PRPSAP1: variants seen among roughly 807,000 people sequenced by gnomAD.
The protein encoded by PRPSAP1 is phosphoribosyl pyrophosphate synthetase associated protein 1.
A neutral mutation model predicts 39.4 loss-of-function variants in PRPSAP1; 31 were observed. The ratio of observed to expected loss-of-function variants is 0.79; its 90% CI spans 0.59 to 1.06. The LOEUF is 1.06. Ranked by LOEUF, PRPSAP1 falls within the 50% of genes least tolerant of loss-of-function variation. The pLI, the probability that PRPSAP1 is intolerant of heterozygous loss-of-function variation, is 0.00. For missense variants in PRPSAP1, 430 were observed against 511.6 expected, an observed-to-expected ratio of 0.84 and a Z score of 1.54; for synonymous variants, 212 against 192.6, an observed-to-expected ratio of 1.10 and a Z score of -0.83.
chr17:76,349,029 G>A (rs1216600803), intron 1 of PRPSAP1, among the ~76,000 whole-genome samples: 1 of 152,072 alleles, frequency 6.6e-6, no homozygotes, highest in African/African-American at 2.4e-5. Flanking sequence ...AGCCATTTTT[G>A]GCCAGGCGTG....
At chr17:76,313,689 G>T in intron 8 of PRPSAP1, 132 bp downstream of exon 8, 1 of 963,404 alleles carries the variant, frequency 1.0e-6, no homozygotes, top group Non-Finnish European at 1.6e-6. Flanking sequence ...CTTGGCACAA[G>T]GGAGTTTGGG....
intron 3 of PRPSAP1, among the ~76,000 whole-genome samples, chr17:76,339,044 T>C (rs1033950745): frequency 4.8e-5 from 7 of 146,200 alleles, no homozygotes; most frequent in Non-Finnish European, 1.5e-5. Context: ...AAAAAAAAAT[T>C]AAATTAAATT....
chr17:76,344,610 G>T (rs781255679), intron 3 of PRPSAP1, 61 bp downstream of exon 3: 16 of 1,304,012 alleles, frequency 1.2e-5, no homozygotes, highest in African/African-American at 3.0e-5. Flanking sequence ...CATATGAAAA[G>T]ATAATCAATT....
rs374946298 is a variant in PRPSAP1 at position 76,348,160 on chromosome 17, A to AAAATAAATAAATAAATAAAT, written c.223+349_223+368dup. Among the ~76,000 whole-genome samples, 1,093 of 149,230 alleles carry AAAATAAATAAATAAATAAAT rather than the reference A, an allele frequency of 7.3e-3. 14 individuals carry two copies. The highest frequency in any genetic ancestry group is 0.026 in the African/African-American group (1,045 of 39,622). ...AACATAGTGAGACCCCATCTTAATA[A>AAAATAAATAAATAAATAAAT]AAATAAATAAATAAATAAATAAATA... On this transcript the variant is annotated intron_variant, in intron 2 of 9. Coordinates refer to ENST00000446526, the MANE Select transcript of PRPSAP1 (RefSeq NM_002766.3).
At chr17:76,323,647 G>A (rs1012818519) in intron 7 of PRPSAP1, among the ~76,000 whole-genome samples, 1 of 151,928 alleles carries the variant, frequency 6.6e-6, no homozygotes, top group African/African-American at 2.4e-5. Context: ...TGACTGGGCT[G>A]CTTCAATCTT....
intron 6 of PRPSAP1, among the ~76,000 whole-genome samples, chr17:76,329,783 C>T (rs1016666329): frequency 1.1e-4 from 17 of 152,138 alleles, no homozygotes; most frequent in Admixed American, 9.8e-4. Flanking sequence ...TGCTCATAGC[C>T]TCATTGCTTT....
chr17:76,345,765 G>A (rs2071493639), intron 2 of PRPSAP1: 2 of 261,664 alleles, frequency 7.6e-6, no homozygotes, highest in South Asian at 3.8e-5. Flanking sequence ...AATGACCCCC[G>A]ACTGAGCGCA....
intron 3 of PRPSAP1, among the ~76,000 whole-genome samples, chr17:76,332,992 C>T (rs1256540679): frequency 1.3e-5 from 2 of 151,416 alleles, no homozygotes; most frequent in African/African-American, 4.9e-5. Flanking sequence ...CCGAGGTTCA[C>T]GCCATTCTCC....
intron 3 of PRPSAP1, among the ~76,000 whole-genome samples, chr17:76,339,890 G>A (rs999614191): frequency 5.3e-5 from 8 of 151,620 alleles, no homozygotes; most frequent in East Asian, 1.9e-4. Flanking sequence ...CAAGCACCTC[G>A]GGAGGCCGGG....
intron 7 of PRPSAP1, among the ~76,000 whole-genome samples, chr17:76,324,970 C>T (rs1366165537): frequency 7.4e-5 from 11 of 148,886 alleles, no homozygotes; most frequent in South Asian, 6.4e-4. Context: ...TGGGAGGCTG[C>T]GGCAGGAGAA....
At chr17:76,352,311 T>C (rs182633104) in intron 1 of PRPSAP1, among the ~76,000 whole-genome samples, 68 of 152,290 alleles carry the variant, frequency 4.5e-4, no homozygotes, top group Admixed American at 4.0e-3. Context: ...GCTCCTCCTT[T>C]ATATCAGAGC....
At chr17:76,345,894 C>A in intron 2 of PRPSAP1, 1 of 416,578 alleles carries the variant, frequency 2.4e-6, no homozygotes. Flanking sequence ...AGGTGAAAGA[C>A]GAACCACAGA....
intron 9 of PRPSAP1, among the ~76,000 whole-genome samples, chr17:76,312,123 A>ATAAGTTGAAAATATTT: frequency 6.6e-6 from 1 of 152,166 alleles, no homozygotes; most frequent in Non-Finnish European, 1.5e-5. Context: ...ACGCATCATT[A>ATAAGTTGAAAATATTT]TAAGTTGAAA....
At chr17:76,322,191 G>C (rs1357325789) in intron 7 of PRPSAP1, among the ~76,000 whole-genome samples, 1 of 152,188 alleles carries the variant, frequency 6.6e-6, no homozygotes, top group Non-Finnish European at 1.5e-5. Flanking sequence ...GAGGTCAGGA[G>C]TTCGTGACCA....
At chr17:76,328,315 G>C (rs533925057) in intron 7 of PRPSAP1, among the ~76,000 whole-genome samples, 14 of 152,268 alleles carry the variant, frequency 9.2e-5, no homozygotes, top group Admixed American at 3.9e-4. Context: ...TTCAGGGCCA[G>C]GTGCAGTGGC....
intron 1 of PRPSAP1, 35 bp downstream of exon 1, chr17:76,353,499 C>A: frequency 6.8e-7 from 1 of 1,466,988 alleles, no homozygotes; most frequent in South Asian, 1.3e-5. Flanking sequence ...CTAGGCGCCG[C>A]CGCCCCCGGC....
At chr17:76,321,279 T>A (rs2071195263) in intron 7 of PRPSAP1, among the ~76,000 whole-genome samples, 1 of 152,038 alleles carries the variant, frequency 6.6e-6, no homozygotes. Context: ...ACTGGCTGGA[T>A]GCAGTGGTGG....
At chr17:76,316,726 A>T (rs559127489) in intron 7 of PRPSAP1, among the ~76,000 whole-genome samples, 2 of 152,336 alleles carry the variant, frequency 1.3e-5, no homozygotes, top group African/African-American at 2.4e-5. Context: ...CACTGTGAAA[A>T]CTACATCAGC....
chr17:76,326,767 G>A lies in PRPSAP1; in HGVS notation c.781+1950C>T, dbSNP rs1299763361. Among the ~76,000 whole-genome samples, 5 of 152,324 alleles carry A rather than the reference G, an allele frequency of 3.3e-5. 1 individual carries two copies. The highest frequency in any genetic ancestry group is 6.8e-3 in the Middle Eastern group (2 of 294). On this transcript the variant is annotated intron_variant, in intron 7 of 9. Coordinates refer to ENST00000446526, the MANE Select transcript of PRPSAP1 (RefSeq NM_002766.3). ...AAAGGACACTGCTGGGACCACTGGT[G>A]AAACCTGAGTAAGGTCTGTAGATTA...
Sources: allele counts gnomAD v4.1 joint callset (sites outside exome capture counted in the v4.1 genomes callset), GRCh38; gene constraint gnomAD v4.1.1; transcripts MANE v1.5; gene names NCBI Gene and HGNC (gene_info 2026-07-23, HGNC 2026-07-21).